The following PBX1 variants were observed in gnomAD, a reference collection of about 807,000 sequenced individuals.
PBX1 encodes the protein pre-B-cell leukemia transcription factor 1.
In PBX1, 6 loss-of-function variants were observed where a neutral mutation model predicts 53.4. The ratio of observed to expected loss-of-function variants is 0.11; its 90% CI spans 0.06 to 0.22. The LOEUF is 0.22. PBX1 is among the 10% of genes least tolerant of loss of function. The pLI is 1.00. For missense variants in PBX1, 251 were observed against 551.4 expected, an observed-to-expected ratio of 0.46 and a Z score of 5.46; for synonymous variants, 204 against 212.3, an observed-to-expected ratio of 0.96 and a Z score of 0.34.
chr1:164,825,237 A>G (rs1281735599), intron 8 of PBX1, among the ~76,000 whole-genome samples: 1 of 151,878 alleles, frequency 6.6e-6, no homozygotes, highest in Non-Finnish European at 1.5e-5. Flanking sequence ...TCCAAATCAC[A>G]CTGAGTCTCA....
chr1:164,847,197 C>G lies in PBX1; in HGVS notation c.*521C>G. On this transcript the variant is annotated 3_prime_UTR_variant, in exon 9 of 9. Coordinates refer to ENST00000420696, the MANE Select transcript of PBX1 (RefSeq NM_002585.4). ...TCTTAGCAGGAATACTCCACATTGC[C>G]CTATTCATTCCAGGCCTCCCTGCTT... 1 of 1,077,840 alleles carries G rather than the reference C, an allele frequency of 9.3e-7. No homozygotes were observed. The highest frequency in any genetic ancestry group is 1.1e-6 in the Non-Finnish European group (1 of 885,538). The allele number at this position is 1,077,840 out of a possible 1,614,324, so 66.8% of individuals were successfully genotyped here.
intron 2 of PBX1, among the ~76,000 whole-genome samples, chr1:164,618,298 G>A (rs1257556046): frequency 3.4e-4 from 1 of 2,906 alleles, no homozygotes; most frequent in African/African-American, 6.2e-4. Context: ...TAATCACGGC[G>A]GGGGGGGGGG....
chr1:164,567,648 A>G (rs1023319124), intron 2 of PBX1, among the ~76,000 whole-genome samples: 5 of 152,204 alleles, frequency 3.3e-5, no homozygotes, highest in African/African-American at 1.2e-4. Context: ...GACATAATAT[A>G]AGAAGAACTT....
At chr1:164,707,418 T>TGA (rs528876002) in intron 2 of PBX1, among the ~76,000 whole-genome samples, 10 of 118,264 alleles carry the variant, frequency 8.5e-5, no homozygotes, top group African/African-American at 3.1e-4. Context: ...TGTGTGTGTG[T>TGA]GAGAGAGAGA....
downstream of PBX1, among the ~76,000 whole-genome samples, chr1:164,852,372 G>A (rs1250252847): frequency 6.6e-6 from 1 of 152,198 alleles, no homozygotes; most frequent in African/African-American, 2.4e-5. Context: ...TCCCAAAGGA[G>A]CATCTCTTCC....
At chr1:164,821,752 T>C (rs1670167102) in intron 8 of PBX1, 126 bp downstream of exon 8, 1 of 760,686 alleles carries the variant, frequency 1.3e-6, no homozygotes, top group Admixed American at 2.1e-5. Flanking sequence ...ACCTAGTTTC[T>C]TGTTTCTGTA....
rs183590089 is a variant in PBX1 at position 164,695,243 on chromosome 1, A to G, written c.266-97251A>G. Among the ~76,000 whole-genome samples, 9 of 152,288 alleles carry G rather than the reference A, an allele frequency of 5.9e-5. No homozygotes were observed. The East Asian group carries it at 1.7e-3, about 29-fold the overall frequency. On this transcript the variant is annotated intron_variant, in intron 2 of 8. Transcript: ENST00000420696. ...TTAGTGGAAGAGAAAGAGTGGCATT[A>G]CAGTCTGCTGAGAATTATTCATTTT...
In PBX1 at chr1:164,851,221, CCATA is replaced by C. The variant is rs2102430417; in HGVS notation, c.*4546_*4549del. ...GTTTTTATTAGAGGAAAAAAGAAAG[CCATA>C]TTATCTGGAAAAAAATTCATTTTAA... On this transcript the variant is annotated 3_prime_UTR_variant, in exon 9 of 9. Transcript: ENST00000420696. 4.7e-6 allele frequency: 1 copy of C among 211,408 alleles called. No homozygotes were observed. Among genetic ancestry groups the C allele is most frequent in the South Asian group, 1.9e-4 (1 of 5,306 alleles). The allele number at this position is 211,408 out of a possible 1,614,324, so 13.1% of individuals were successfully genotyped here. A position where few individuals can be genotyped will look rare whatever the true frequency, so the allele number is the denominator to read the frequency against.
At chr1:164,589,635 G>A (rs946525356) in intron 2 of PBX1, among the ~76,000 whole-genome samples, 1 of 152,162 alleles carries the variant, frequency 6.6e-6, no homozygotes, top group South Asian at 2.1e-4. Flanking sequence ...TAGAATATTG[G>A]CTGTAATGCC....
chr1:164,741,526 G>A (rs2102167466), intron 2 of PBX1, among the ~76,000 whole-genome samples: 1 of 152,286 alleles, frequency 6.6e-6, no homozygotes, highest in Admixed American at 6.5e-5. Flanking sequence ...ATCTGTACAA[G>A]GAAGTAACTG....
chr1:164,879,442 C>T (rs111429698), intron 2 of PBX1, among the ~76,000 whole-genome samples: 7,376 of 152,174 alleles, frequency 0.048, 218 homozygotes, highest in East Asian at 0.097. Flanking sequence ...TGTGAGCAAC[C>T]GCTAAAACAG....
chr1:164,677,558 G>A (rs1661507032), intron 2 of PBX1, among the ~76,000 whole-genome samples: 1 of 152,146 alleles, frequency 6.6e-6, no homozygotes, highest in Non-Finnish European at 1.5e-5. Flanking sequence ...AATGTTCAAT[G>A]AAGTTGATAA....
chr1:164,704,793 A>G (rs558511566), intron 2 of PBX1, among the ~76,000 whole-genome samples: 4 of 152,254 alleles, frequency 2.6e-5, no homozygotes, highest in Admixed American at 2.0e-4. Context: ...GTTTTTTCCT[A>G]AAATCCTTGC....
intron 8 of PBX1, among the ~76,000 whole-genome samples, chr1:164,837,214 T>C (rs189304055): frequency 7.9e-4 from 120 of 152,330 alleles, no homozygotes; most frequent in African/African-American, 2.6e-3. Flanking sequence ...TCTCTGTGTG[T>C]ACCCTTAGTA....
At chr1:164,624,776 A>G (rs748413719) in intron 2 of PBX1, among the ~76,000 whole-genome samples, 1 of 152,200 alleles carries the variant, frequency 6.6e-6, no homozygotes, top group Non-Finnish European at 1.5e-5. Context: ...CTAAAAATAC[A>G]ATAACTCTCT....
At chr1:164,570,123 CA>C (rs1557865896) in intron 2 of PBX1, among the ~76,000 whole-genome samples, 2 of 152,198 alleles carry the variant, frequency 1.3e-5, no homozygotes, top group Non-Finnish European at 2.9e-5. Context: ...TCTGAAGATA[CA>C]TAAGCCTATC....
chr1:164,756,516 A>G (rs1261507324), intron 2 of PBX1, among the ~76,000 whole-genome samples: 2 of 152,240 alleles, frequency 1.3e-5, no homozygotes, highest in Non-Finnish European at 2.9e-5. Context: ...TAAAAAACGT[A>G]CACTTAGTTA....
At chr1:164,769,917 T>C (rs1402191665) in intron 2 of PBX1, 2 of 152,194 alleles carry the variant, frequency 1.3e-5, no homozygotes, top group Non-Finnish European at 2.9e-5. Flanking sequence ...AGTACATCCC[T>C]GCACATAAGC....
At chr1:164,727,608 G>T (rs1037904204) in intron 2 of PBX1, among the ~76,000 whole-genome samples, 1 of 152,148 alleles carries the variant, frequency 6.6e-6, no homozygotes, top group Admixed American at 6.5e-5. Flanking sequence ...AGTTGATTTG[G>T]GGCAAAAGGC....
Sources: allele counts gnomAD v4.1 joint callset (sites outside exome capture counted in the v4.1 genomes callset), GRCh38; gene constraint gnomAD v4.1.1; transcripts MANE v1.5; gene names NCBI Gene and HGNC (gene_info 2026-07-23, HGNC 2026-07-21).